The following CARD8 variants were observed in gnomAD, a reference collection of about 807,000 sequenced individuals.
CARD8 encodes caspase recruitment domain family member 8.
Under a neutral mutation model 53.2 loss-of-function variants are expected in CARD8, and 38 were observed. The observed-to-expected ratio is 0.71, with a 90% confidence interval of 0.55 to 0.94. CARD8 has a LOEUF of 0.94. Ranked by LOEUF, CARD8 falls within the 40% of genes least tolerant of loss-of-function variation. The pLI is 0.00. For missense variants in CARD8, 561 were observed against 655.5 expected, an observed-to-expected ratio of 0.86 and a Z score of 1.57; for synonymous variants, 245 against 244.9, an observed-to-expected ratio of 1.00 and a Z score of 0.00.
At chr19:48,229,542 T>C (rs775565234) in intron 10 of CARD8, among the ~76,000 whole-genome samples, 2 of 152,228 alleles carry the variant, frequency 1.3e-5, no homozygotes, top group Non-Finnish European at 2.9e-5. Flanking sequence ...CCTCTCATTC[T>C]TGGGATGTTG....
At chr19:48,217,845 A>T (rs2039648146) in intron 12 of CARD8, among the ~76,000 whole-genome samples, 1 of 152,212 alleles carries the variant, frequency 6.6e-6, no homozygotes, top group East Asian at 1.9e-4. Context: ...AACTTTAAAA[A>T]ATTGTGTTTA....
At chr19:48,232,590 G>T in intron 6 of CARD8, 97 bp from the exon 7 acceptor site, 2 of 988,848 alleles carry the variant, frequency 2.0e-6, no homozygotes, top group African/African-American at 1.6e-5. Flanking sequence ...GAGCTGCACT[G>T]TCCCGTAGAG....
chr19:48,220,988 AGG>A (rs1256004983), intron 11 of CARD8, among the ~76,000 whole-genome samples: 30 of 101,380 alleles, frequency 3.0e-4, no homozygotes, highest in African/African-American at 9.0e-4. Flanking sequence ...GAAGGAAGGA[AGG>A]AAGGAAAGAA....
chr19:48,222,646 G>A (rs1041687668), intron 10 of CARD8, among the ~76,000 whole-genome samples: 8 of 150,538 alleles, frequency 5.3e-5, no homozygotes, highest in Non-Finnish European at 7.4e-5. Flanking sequence ...CCGAGATTGC[G>A]CCACTGCATT....
At position 48,211,463 on chromosome 19, in the gene CARD8, A is replaced by G; in HGVS notation, c.*247T>C. ...ATGTCAATGGATAAAATAGTGATAT[A>G]TCAAGCAATGGTTGGAAAAAATTTA... On this transcript the variant is annotated 3_prime_UTR_variant, in exon 14 of 14. Coordinates refer to ENST00000651546, the MANE Select transcript of CARD8 (RefSeq NM_001184900.3). 2.2e-6 allele frequency: 1 copy of G among 458,706 alleles called. No homozygotes were observed. The highest frequency in any genetic ancestry group is 3.9e-6 in the Non-Finnish European group (1 of 255,518). The allele number at this position is 458,706 out of a possible 1,614,324, so 28.4% of individuals were successfully genotyped here.
At chr19:48,237,418 T>C (rs1379157878) in intron 5 of CARD8, among the ~76,000 whole-genome samples, 1 of 151,998 alleles carries the variant, frequency 6.6e-6, no homozygotes, top group Non-Finnish European at 1.5e-5. Context: ...TTCACCTCCC[T>C]CCAGGCCCCA....
chr19:48,232,442 T>C lies in CARD8; in HGVS notation c.391+11A>G, dbSNP rs2146282901. 2 of 1,534,460 alleles carry C rather than the reference T, an allele frequency of 1.3e-6. No homozygotes were observed. On this transcript the variant is annotated intron_variant, in intron 7 of 13. Coordinates refer to ENST00000651546, the MANE Select transcript of CARD8 (RefSeq NM_001184900.3). ...ACACGCCCTTCACTCCTCTCCCTAT[T>C]AGCCCATTACCTGAATCTTGTCCCT...
Position 48,211,552 on chromosome 19 carries a change from G to A in CARD8, c.*158C>T, listed in dbSNP as rs1025017531. ...AAATGCATGAGGATACAGTCAATAG[G>A]TACATGCCAGGTTACAAGTCTGTCC... is the stretch of plus-strand genomic sequence containing the variant. On this transcript the variant is annotated 3_prime_UTR_variant, in exon 14 of 14. Coordinates refer to ENST00000651546, the MANE Select transcript of CARD8 (RefSeq NM_001184900.3). The A allele has an allele frequency of 5.1e-5, 34 of 665,600 alleles. No homozygotes were observed. The highest frequency in any genetic ancestry group is 7.2e-5 in the Non-Finnish European group (28 of 388,582). The allele number at this position is 665,600 out of a possible 1,614,324, so 41.2% of individuals were successfully genotyped here.
rs1168273973 is a variant in CARD8 at position 48,234,557 on chromosome 19, ACAG to A, written c.210-17_210-15del. On this transcript the variant is annotated splice_polypyrimidine_tract_variant and intron_variant, in intron 5 of 13. Coordinates refer to ENST00000651546, the MANE Select transcript of CARD8 (RefSeq NM_001184900.3). ...TCCCTGTATACCCTGGAAAACAACA[ACAG>A]AATTTTTACTATGAATATAAGGTAG... 6.2e-7 allele frequency: 1 copy of A among 1,608,952 alleles called. No homozygotes were observed. The highest frequency in any genetic ancestry group is 8.5e-7 in the Non-Finnish European group (1 of 1,178,116).
chr19:48,223,993 GCT>G (rs2041234844), intron 10 of CARD8: 2 of 432,042 alleles, frequency 4.6e-6, no homozygotes, highest in African/African-American at 4.1e-5. Context: ...ATGGAGTCTC[GCT>G]CTGTCACCCA....
At chr19:48,219,916 A>C (rs1346978646) in intron 11 of CARD8, among the ~76,000 whole-genome samples, 1 of 152,176 alleles carries the variant, frequency 6.6e-6, no homozygotes, top group Non-Finnish European at 1.5e-5. Context: ...GGTTGCAGTG[A>C]GCAGACATTG....
At chr19:48,213,041 G>T (rs139478962) in intron 13 of CARD8, 1 of 152,198 alleles carries the variant, frequency 6.6e-6, no homozygotes, top group Non-Finnish European at 1.5e-5. Flanking sequence ...TATGGAAGGC[G>T]GGACGAAGAC....
chr19:48,213,622 C>T (rs185162407), intron 13 of CARD8, among the ~76,000 whole-genome samples: 6 of 152,336 alleles, frequency 3.9e-5, no homozygotes, highest in Non-Finnish European at 7.3e-5. Flanking sequence ...GATCCACCTG[C>T]CTCGGCCTCC....
At chr19:48,239,451 ATC>A (rs1299204181) in intron 4 of CARD8, among the ~76,000 whole-genome samples, 1 of 149,910 alleles carries the variant, frequency 6.7e-6, no homozygotes, top group African/African-American at 2.5e-5. Flanking sequence ...ATGCCAGATC[ATC>A]TGTCTCAGTC....
At chr19:48,231,283 C>T (rs1197628152) in intron 8 of CARD8, among the ~76,000 whole-genome samples, 1 of 151,970 alleles carries the variant, frequency 6.6e-6, no homozygotes, top group East Asian at 1.9e-4. Context: ...AACCGATACG[C>T]TTCCTTTTGT....
chr19:48,208,568 G>T lies in CARD8; in HGVS notation c.*3142C>A, dbSNP rs2037543107. 6.6e-6 allele frequency: 1 copy of T among 152,134 alleles called. No homozygotes were observed. The highest frequency in any genetic ancestry group is 2.1e-4 in the South Asian group (1 of 4,832). The allele number at this position is 152,134 out of a possible 1,614,324, so 9.4% of individuals were successfully genotyped here. A position where few individuals can be genotyped will look rare whatever the true frequency, so the allele number is the denominator to read the frequency against. ...ATATCGGAACTACTGAGAATACAAGGATGAGCTGCAAAAATCTCCACTTGT... is the reference window on the plus strand; with the variant it reads ...ATATCGGAACTACTGAGAATACAAGTATGAGCTGCAAAAATCTCCACTTGT... On this transcript the variant is annotated 3_prime_UTR_variant, in exon 14 of 14. Transcript: ENST00000651546.
intron 7 of CARD8, 190 bp from the exon 8 acceptor site, chr19:48,232,000 T>G: frequency 1.5e-6 from 1 of 685,554 alleles, no homozygotes; most frequent in South Asian, 1.5e-5. Context: ...TTCCTTGTCA[T>G]GACTAAACGT....
intron 3 of CARD8, 147 bp downstream of exon 3, chr19:48,249,376 G>A (rs1003714344): frequency 1.3e-5 from 2 of 152,088 alleles, no homozygotes; most frequent in African/African-American, 4.8e-5. Flanking sequence ...GAGAGTGGCT[G>A]GATGAATTTC....
At chr19:48,234,850 T>C (rs914614388) in intron 5 of CARD8, among the ~76,000 whole-genome samples, 1 of 151,858 alleles carries the variant, frequency 6.6e-6, no homozygotes, top group Non-Finnish European at 1.5e-5. Flanking sequence ...TCATAATAGG[T>C]CAACAAGTAT....
Sources: allele counts gnomAD v4.1 joint callset (sites outside exome capture counted in the v4.1 genomes callset), GRCh38; gene constraint gnomAD v4.1.1; transcripts MANE v1.5; gene names NCBI Gene and HGNC (gene_info 2026-07-23, HGNC 2026-07-21).